Variants in ZNF385D observed in about 807,000 individuals in gnomAD.
ZNF385D encodes the protein zinc finger protein 659.
Under a neutral mutation model 35.8 loss-of-function variants are expected in ZNF385D, and 15 were observed. That is an observed-to-expected ratio of 0.42 (90% CI 0.28 to 0.64). The LOEUF (loss-of-function observed/expected upper bound fraction) is 0.64. ZNF385D is among the 30% of genes least tolerant of loss of function. The probability of loss-of-function intolerance (pLI) is 0.23; values close to 1 mark genes in which losing one functional copy is unlikely to be tolerated. For synonymous variants in ZNF385D, 212 were observed against 186.8 expected, an observed-to-expected ratio of 1.13 and a Z score of -1.10; for missense variants, 474 against 494.6, an observed-to-expected ratio of 0.96 and a Z score of 0.39.
At position 21,920,536 on chromosome 3, in the gene ZNF385D, A is replaced by G. The variant is rs919552585; in HGVS notation, c.325+248281T>C. Among the ~76,000 whole-genome samples, 11 of 151,506 alleles carry G rather than the reference A, an allele frequency of 7.3e-5. No homozygotes were observed. In the South Asian group the frequency reaches 2.3e-3, roughly 32 times the overall value. ...ATAGAAAGCTGTGAGTCATTAACAT[A>G]GGCTTAAGCAAGCCCTGAAAGTGAC... On this transcript the variant is annotated intron_variant, in intron 3 of 5. Transcript: ENST00000494108.
chr3:21,593,610 ATG>A (rs2064045360), intron 2 of ZNF385D, among the ~76,000 whole-genome samples: 1 of 152,076 alleles, frequency 6.6e-6, no homozygotes, highest in East Asian at 1.9e-4. Context: ...ACTCAAACAT[ATG>A]TGTGAGCACA....
At chr3:21,929,288 A>C (rs1465321260) in intron 3 of ZNF385D, among the ~76,000 whole-genome samples, 7 of 152,102 alleles carry the variant, frequency 4.6e-5, no homozygotes, top group African/African-American at 1.7e-4. Context: ...AACTCTCAAC[A>C]AACTAGGGAT....
intron 1 of ZNF385D, among the ~76,000 whole-genome samples, chr3:21,665,505 A>T (rs2066378092): frequency 2.0e-5 from 3 of 152,290 alleles, no homozygotes; most frequent in Middle Eastern, 6.8e-3. Flanking sequence ...CTTGGCACAT[A>T]AAAGAAATTT....
chr3:22,288,909 ATC>A (rs1433882934), intron 2 of ZNF385D, among the ~76,000 whole-genome samples: 2 of 152,070 alleles, frequency 1.3e-5, no homozygotes, highest in African/African-American at 2.4e-5. Context: ...TGCCTCTCAA[ATC>A]TCTGTGTTTG....
chr3:22,158,350 C>A (rs766413212), intron 3 of ZNF385D, among the ~76,000 whole-genome samples: 2 of 152,016 alleles, frequency 1.3e-5, no homozygotes, highest in East Asian at 3.9e-4. Flanking sequence ...AGTTATTGGG[C>A]GCTTTTTCCC....
intron 3 of ZNF385D, among the ~76,000 whole-genome samples, chr3:21,778,239 T>C (rs142643158): frequency 1.3e-5 from 2 of 152,054 alleles, no homozygotes; most frequent in East Asian, 3.9e-4. Flanking sequence ...TTCTGAGACG[T>C]GCCTCTCACT....
At chr3:22,058,537 T>C (rs1699528744) in intron 3 of ZNF385D, among the ~76,000 whole-genome samples, 1 of 152,164 alleles carries the variant, frequency 6.6e-6, no homozygotes, top group South Asian at 2.1e-4. Context: ...TCAAAGGACA[T>C]GAGAGGCAGA....
chr3:21,861,069 G>A (rs758768332), intron 3 of ZNF385D, among the ~76,000 whole-genome samples: 10 of 152,178 alleles, frequency 6.6e-5, no homozygotes, highest in East Asian at 1.9e-4. Flanking sequence ...CAGTTTAAGC[G>A]TTATCCACTC....
At chr3:21,852,934 C>T (rs184495218) in intron 3 of ZNF385D, among the ~76,000 whole-genome samples, 2 of 151,788 alleles carry the variant, frequency 1.3e-5, no homozygotes, top group African/African-American at 2.4e-5. Context: ...TGTTAAACAT[C>T]CAAGTCTAGA....
chr3:21,512,968 C>G (rs1707319599), intron 3 of ZNF385D, among the ~76,000 whole-genome samples: 1 of 152,022 alleles, frequency 6.6e-6, no homozygotes, highest in Non-Finnish European at 1.5e-5. Flanking sequence ...CTTGGTGATA[C>G]AAGTGAATGT....
rs188158390 is a variant in ZNF385D, at chr3:21,767,278, T to C, written c.326-102250A>G. On this transcript the variant is annotated intron_variant, in intron 3 of 5. Transcript: ENST00000494108. The stretch of plus-strand genomic sequence containing the variant: ...TGTGTAATCATCCTACAAAATACAT[T>C]TGTCTTTTTAGCTCAACTGCCACTT... 1.2e-4 allele frequency among the ~76,000 whole-genome samples: 19 copies of C among 152,220 alleles called. No individual in the cohort carries two copies. The East Asian group carries it at 3.3e-3, about 26-fold the overall frequency.
intron 2 of ZNF385D, among the ~76,000 whole-genome samples, chr3:21,658,435 A>T (rs1188517203): frequency 6.6e-6 from 1 of 152,028 alleles, no homozygotes; most frequent in East Asian, 1.9e-4. Flanking sequence ...AATGCATAAA[A>T]CAGTGAGTGC....
chr3:21,874,017 T>A (rs1205283907), intron 3 of ZNF385D, among the ~76,000 whole-genome samples: 3 of 149,540 alleles, frequency 2.0e-5, no homozygotes, highest in Admixed American at 1.3e-4. Context: ...AGAATTAGAA[T>A]TGTTAAATCA....
intron 3 of ZNF385D, among the ~76,000 whole-genome samples, chr3:22,142,782 G>A (rs1559403341): frequency 6.6e-6 from 1 of 151,978 alleles, no homozygotes; most frequent in Admixed American, 6.5e-5. Context: ...ACATGGGTCT[G>A]CCTGTTTTCC....
At chr3:22,086,038 T>C (rs377109259) in intron 3 of ZNF385D, among the ~76,000 whole-genome samples, 5 of 152,198 alleles carry the variant, frequency 3.3e-5, no homozygotes, top group East Asian at 1.9e-4. Context: ...AATTAGGTGT[T>C]GATGGCACAT....
chr3:21,549,454 C>T (rs1255561542), intron 3 of ZNF385D, among the ~76,000 whole-genome samples: 5 of 152,178 alleles, frequency 3.3e-5, no homozygotes, highest in African/African-American at 1.2e-4. Flanking sequence ...TTGGGGGTTC[C>T]ACTCAAGAGT....
chr3:21,554,849 C>G (rs2062679080), intron 3 of ZNF385D, among the ~76,000 whole-genome samples: 1 of 152,094 alleles, frequency 6.6e-6, no homozygotes. Context: ...TTTTTCTCAC[C>G]TCTGTTAGCC....
chr3:22,176,911 G>A (rs969815517), intron 2 of ZNF385D, among the ~76,000 whole-genome samples: 1 of 152,142 alleles, frequency 6.6e-6, no homozygotes, highest in Non-Finnish European at 1.5e-5. Flanking sequence ...TAATAGATCA[G>A]ATATGTCTTA....
At chr3:21,544,622 T>A (rs916270126) in intron 3 of ZNF385D, among the ~76,000 whole-genome samples, 1 of 152,316 alleles carries the variant, frequency 6.6e-6, no homozygotes, top group African/African-American at 2.4e-5. Flanking sequence ...AAAGGTATTA[T>A]GTGGTTTTTC....
Sources: allele counts gnomAD v4.1 joint callset (sites outside exome capture counted in the v4.1 genomes callset), GRCh38; gene constraint gnomAD v4.1.1; transcripts MANE v1.5; gene names NCBI Gene and HGNC (gene_info 2026-07-23, HGNC 2026-07-21).